Variants in LRRTM3 observed in about 807,000 individuals in gnomAD.
The protein encoded by LRRTM3 is leucine rich repeat transmembrane neuronal 3, also known as leucine-rich repeat transmembrane neuronal protein 3.
LRRTM3 carries 24 observed loss-of-function variants against 44.7 expected under a neutral mutation model. That is an observed-to-expected ratio of 0.54 (90% confidence interval 0.39 to 0.76). The LOEUF is 0.76. LRRTM3 is among the 30% of genes least tolerant of loss of function. The pLI, the probability that LRRTM3 is intolerant of heterozygous loss-of-function variation, is 0.00. For missense variants in LRRTM3, 587 were observed against 702.2 expected (o/e 0.84, Z 1.85); for synonymous variants, 277 against 278.7 (o/e 0.99, Z 0.06).
intron 2 of LRRTM3, among the ~76,000 whole-genome samples, chr10:67,000,134 C>A (rs912149510): frequency 6.6e-6 from 1 of 152,118 alleles, no homozygotes; most frequent in Non-Finnish European, 1.5e-5. Flanking sequence ...AAATATAGGG[C>A]CTTCCAGATG....
chr10:67,001,168 G>T (rs1851662784), intron 2 of LRRTM3, among the ~76,000 whole-genome samples: 1 of 151,502 alleles, frequency 6.6e-6, no homozygotes, highest in African/African-American at 2.4e-5. Context: ...AGGGGTGGTG[G>T]TGTGTGCCTG....
At chr10:66,960,865 G>C (rs947996073) in intron 2 of LRRTM3, among the ~76,000 whole-genome samples, 2 of 152,126 alleles carry the variant, frequency 1.3e-5, no homozygotes, top group African/African-American at 2.4e-5. Context: ...CATAGGAGAA[G>C]GAAAGGATCT....
At chr10:67,024,152 C>T (rs1478174327) in intron 2 of LRRTM3, among the ~76,000 whole-genome samples, 1 of 152,152 alleles carries the variant, frequency 6.6e-6, no homozygotes, top group Non-Finnish European at 1.5e-5. Context: ...TGTTTCCTTG[C>T]CTCTCTAGCT....
intron 2 of LRRTM3, among the ~76,000 whole-genome samples, chr10:67,089,985 C>G (rs962412313): frequency 6.6e-6 from 1 of 151,964 alleles, no homozygotes; most frequent in African/African-American, 2.4e-5. Context: ...TCATATGAAA[C>G]AAAATAATCA....
intron 2 of LRRTM3, among the ~76,000 whole-genome samples, chr10:67,009,610 T>A (rs188576523): frequency 7.2e-5 from 11 of 152,282 alleles, no homozygotes; most frequent in African/African-American, 1.9e-4. Context: ...AATCTTCCAA[T>A]GTTTTTTGGG....
intron 2 of LRRTM3, among the ~76,000 whole-genome samples, chr10:66,987,080 G>A (rs1463740931): frequency 6.6e-6 from 1 of 152,130 alleles, no homozygotes; most frequent in East Asian, 1.9e-4. Context: ...CAAAAGTCCC[G>A]ACGTGAAGTC....
intron 2 of LRRTM3, among the ~76,000 whole-genome samples, chr10:66,941,819 T>A (rs1008072771): frequency 6.6e-6 from 1 of 152,204 alleles, no homozygotes; most frequent in Admixed American, 6.5e-5. Flanking sequence ...GAGGTTCTTA[T>A]ATCCAAGTTT....
chr10:67,035,185 A>T (rs1484600736), intron 2 of LRRTM3, among the ~76,000 whole-genome samples: 1 of 152,242 alleles, frequency 6.6e-6, no homozygotes, highest in African/African-American at 2.4e-5. Context: ...CCATATGAAT[A>T]TATAGATATG....
chr10:67,046,323 C>T (rs1239537477), intron 2 of LRRTM3, among the ~76,000 whole-genome samples: 1 of 152,142 alleles, frequency 6.6e-6, no homozygotes, highest in Non-Finnish European at 1.5e-5. Context: ...ATCAAATATG[C>T]CAGGTTTCAA....
intron 2 of LRRTM3, among the ~76,000 whole-genome samples, chr10:67,042,055 C>CA (rs1483059515): frequency 4.0e-5 from 6 of 151,136 alleles, no homozygotes; most frequent in African/African-American, 7.3e-5. Flanking sequence ...GGCTGAGAGA[C>CA]AAAAAAAGGC....
rs1170594360 is a variant in LRRTM3 at position 66,978,526 on chromosome 10, C to CAAAA, written c.1536+50098_1536+50101dup. Among the ~76,000 whole-genome samples, 41 of 42,314 alleles carry CAAAA rather than the reference C, an allele frequency of 9.7e-4. 4 individuals carry two copies. The highest frequency in any genetic ancestry group is 2.7e-3 in the African/African-American group (26 of 9,744). The allele number at this position is 42,314 out of a possible 152,430, so 27.8% of individuals were successfully genotyped here. Reference sequence around the variant, plus strand: ...TGGATGATAGAGTGAGACTCCATCTCAAAAAAAAAAAAAAAAAAAAAAAAA... The same window carrying CAAAA: ...TGGATGATAGAGTGAGACTCCATCTCAAAAAAAAAAAAAAAAAAAAAAAAAAAAA... On this transcript the variant is annotated intron_variant, in intron 2 of 2. Coordinates refer to ENST00000361320, the MANE Select transcript of LRRTM3 (RefSeq NM_178011.5).
intron 2 of LRRTM3, among the ~76,000 whole-genome samples, chr10:67,071,790 C>T (rs1305472084): frequency 6.6e-6 from 1 of 152,140 alleles, no homozygotes; most frequent in East Asian, 1.9e-4. Flanking sequence ...TACACAATAT[C>T]TAATTTTTCC....
intron 2 of LRRTM3, among the ~76,000 whole-genome samples, chr10:67,083,034 A>T (rs1398398583): frequency 6.6e-6 from 1 of 152,190 alleles, no homozygotes; most frequent in Non-Finnish European, 1.5e-5. Context: ...TCTCACAAAA[A>T]AGCAGGTGTT....
chr10:66,965,759 G>T (rs10997456), intron 2 of LRRTM3, among the ~76,000 whole-genome samples: 2 of 151,842 alleles, frequency 1.3e-5, no homozygotes, highest in African/African-American at 4.8e-5. Context: ...GTCAAAGGCC[G>T]CATATGTTTC....
At chr10:66,949,998 T>C (rs1242349824) in intron 2 of LRRTM3, among the ~76,000 whole-genome samples, 1 of 152,178 alleles carries the variant, frequency 6.6e-6, no homozygotes, top group Non-Finnish European at 1.5e-5. Flanking sequence ...TAACACAATC[T>C]GGGCTCAACC....
At chr10:67,055,463 A>G (rs1190246265) in intron 2 of LRRTM3, among the ~76,000 whole-genome samples, 2 of 152,164 alleles carry the variant, frequency 1.3e-5, no homozygotes, top group Non-Finnish European at 2.9e-5. Flanking sequence ...GCAAATAGGT[A>G]GGTGTTGTTT....
intron 2 of LRRTM3, among the ~76,000 whole-genome samples, chr10:67,076,039 T>A (rs1458632844): frequency 6.6e-6 from 1 of 152,236 alleles, no homozygotes; most frequent in Non-Finnish European, 1.5e-5. Flanking sequence ...CTTAATTGCC[T>A]CTAGAAATGT....
In LRRTM3 at chr10:67,070,803, G is replaced by C. The variant is rs533933447; in HGVS notation, c.1537-26784G>C. 2.0e-5 allele frequency among the ~76,000 whole-genome samples: 3 copies of C among 151,920 alleles called. No individual in the cohort carries two copies. In the East Asian group the frequency reaches 5.8e-4, roughly 29 times the overall value. On this transcript the variant is annotated intron_variant, in intron 2 of 2. Transcript: ENST00000361320. The stretch of plus-strand genomic sequence containing the variant: ...TCCTTGCCTACTCCAGGGTTACAAA[G>C]ATTTTTCTGCTATGTTTTCCTCTAT...
At chr10:67,011,104 C>T (rs577992672) in intron 2 of LRRTM3, among the ~76,000 whole-genome samples, 9 of 152,080 alleles carry the variant, frequency 5.9e-5, no homozygotes, top group East Asian at 3.9e-4. Context: ...CCAAGGCAGA[C>T]GGATCACGAA....
Sources: allele counts gnomAD v4.1 joint callset (sites outside exome capture counted in the v4.1 genomes callset), GRCh38; gene constraint gnomAD v4.1.1; transcripts MANE v1.5; gene names NCBI Gene and HGNC (gene_info 2026-07-23, HGNC 2026-07-21).